PPP2R2B: variants seen among roughly 807,000 people sequenced by gnomAD.
PPP2R2B encodes serine/threonine-protein phosphatase 2A 55 kDa regulatory subunit B beta isoform.
Under a neutral mutation model 46.0 loss-of-function variants are expected in PPP2R2B, and 5 were observed. The observed-to-expected ratio is 0.11, with a 90% confidence interval of 0.06 to 0.23. The LOEUF (loss-of-function observed/expected upper bound fraction) is 0.23. Ranked by LOEUF, PPP2R2B falls within the 10% of genes least tolerant of loss-of-function variation. The probability of loss-of-function intolerance (pLI) is 1.00; values close to 1 mark genes in which losing one functional copy is unlikely to be tolerated. For synonymous variants in PPP2R2B, 215 were observed against 206.7 expected (o/e 1.04, Z -0.34); for missense variants, 367 against 575.0 (o/e 0.64, Z 3.70).
chr5:146,992,907 T>A (rs908951807), intron 1 of PPP2R2B, among the ~76,000 whole-genome samples: 2 of 152,208 alleles, frequency 1.3e-5, no homozygotes. Flanking sequence ...AGTGAACACC[T>A]GAATTCTTTA....
chr5:147,055,559 C>T (rs990153111), intron 1 of PPP2R2B: 8 of 965,288 alleles, frequency 8.3e-6, no homozygotes, highest in Non-Finnish European at 1.3e-5. Flanking sequence ...CCAGGAATGA[C>T]AGTCACCTAG....
chr5:146,674,558 C>G (rs1246188959), intron 5 of PPP2R2B, among the ~76,000 whole-genome samples: 7 of 152,144 alleles, frequency 4.6e-5, no homozygotes, highest in African/African-American at 1.4e-4. Context: ...TCATATATTT[C>G]CCTTCTGGTC....
chr5:146,833,583 C>T (rs1759088229), intron 2 of PPP2R2B, among the ~76,000 whole-genome samples: 1 of 152,182 alleles, frequency 6.6e-6, no homozygotes, highest in African/African-American at 2.4e-5. Context: ...GAAATCTTGA[C>T]ACCTCACCTA....
In PPP2R2B at chr5:146,616,726, C is replaced by G. The variant is rs184121488; in HGVS notation, c.791-16266G>C. Among the ~76,000 whole-genome samples the G allele has an allele frequency of 5.6e-3, 857 of 152,158 alleles. 3 individuals carry two copies. Among genetic ancestry groups the G allele is most frequent in the Non-Finnish European group, 9.1e-3 (617 of 67,976 alleles). On this transcript the variant is annotated intron_variant, in intron 7 of 9. Coordinates refer to ENST00000394411, the MANE Select transcript of PPP2R2B (RefSeq NM_181675.4). ...GGCTTTCATCTAAAAGGCAATAATG[C>G]TGATGAGGATGTGGAGAAAAGGGAA...
chr5:147,071,696 A>C (rs1757605206), intron 2 of PPP2R2B, among the ~76,000 whole-genome samples: 1 of 152,030 alleles, frequency 6.6e-6, no homozygotes, highest in South Asian at 2.1e-4. Flanking sequence ...TGAAGTCTTG[A>C]CCATCCTATT....
intron 1 of PPP2R2B, among the ~76,000 whole-genome samples, chr5:146,982,689 T>C (rs1753231458): frequency 6.6e-6 from 1 of 152,220 alleles, no homozygotes; most frequent in Admixed American, 6.5e-5. Flanking sequence ...TTATATGAGT[T>C]TTGCCTAACA....
chr5:146,804,286 C>A (rs1757042612), intron 2 of PPP2R2B, among the ~76,000 whole-genome samples: 1 of 152,098 alleles, frequency 6.6e-6, no homozygotes, highest in South Asian at 2.1e-4. Context: ...CTCACAATAA[C>A]CCAATGAAGT....
In PPP2R2B at chr5:146,626,719, T is replaced by C. The variant is rs960409786; in HGVS notation, c.790+11532A>G. Among the ~76,000 whole-genome samples the C allele has an allele frequency of 1.1e-4, 16 of 152,286 alleles. No individual in the cohort carries two copies. The East Asian group carries it at 3.1e-3, about 29-fold the overall frequency. The stretch of plus-strand genomic sequence containing the variant: ...GCCATCTATAACCCTATGGCCAATC[T>C]TTCCCATTCTGCATGTCTTGGGGGC... On this transcript the variant is annotated intron_variant, in intron 7 of 9. Transcript: ENST00000394411.
At chr5:146,867,327 C>G (rs1370917182) in intron 2 of PPP2R2B, among the ~76,000 whole-genome samples, 1 of 152,100 alleles carries the variant, frequency 6.6e-6, no homozygotes, top group African/African-American at 2.4e-5. Flanking sequence ...ATATTACAAC[C>G]CCTAATCAGC....
intron 2 of PPP2R2B, among the ~76,000 whole-genome samples, chr5:146,835,824 A>C (rs1194795204): frequency 1.3e-5 from 2 of 152,170 alleles, no homozygotes; most frequent in African/African-American, 4.8e-5. Flanking sequence ...TTAACCAGAA[A>C]CTACTTTATT....
At chr5:146,979,287 T>C (rs751007284) in intron 1 of PPP2R2B, among the ~76,000 whole-genome samples, 3 of 152,204 alleles carry the variant, frequency 2.0e-5, no homozygotes, top group Non-Finnish European at 4.4e-5. Flanking sequence ...ATTGCTTCTC[T>C]GTCTCAATAC....
chr5:147,022,758 T>C (rs962196564), intron 1 of PPP2R2B, among the ~76,000 whole-genome samples: 2 of 152,006 alleles, frequency 1.3e-5, no homozygotes, highest in African/African-American at 4.8e-5. Context: ...AGAATTACCA[T>C]TGACGTCGCA....
At chr5:146,603,288 A>G (rs990658501) in intron 7 of PPP2R2B, among the ~76,000 whole-genome samples, 1 of 152,232 alleles carries the variant, frequency 6.6e-6, no homozygotes, top group African/African-American at 2.4e-5. Flanking sequence ...TTTGAAAGAC[A>G]TAAAGAATGT....
intron 1 of PPP2R2B, among the ~76,000 whole-genome samples, chr5:146,913,683 G>T (rs535951091): frequency 1.3e-5 from 2 of 151,990 alleles, no homozygotes; most frequent in African/African-American, 4.8e-5. Context: ...AACATAAACT[G>T]AATTGAGAGA....
rs891894585 is a variant in PPP2R2B, at chr5:146,588,151, G to A, written c.*1796C>T. ...CCACTTTACTTGAGATGCCTAAGGCGAGGCTTTCCTTGCAGGAAAAATGAG... is the reference window on the plus strand; with the variant it reads ...CCACTTTACTTGAGATGCCTAAGGCAAGGCTTTCCTTGCAGGAAAAATGAG... On this transcript the variant is annotated 3_prime_UTR_variant, in exon 10 of 10. Coordinates refer to ENST00000394411, the MANE Select transcript of PPP2R2B (RefSeq NM_181675.4). The A allele has an allele frequency of 6.6e-6, 1 of 152,208 alleles. No homozygotes were observed. Among genetic ancestry groups the A allele is most frequent in the Non-Finnish European group, 1.5e-5 (1 of 68,038 alleles). The allele number at this position is 152,208 out of a possible 1,614,324, so 9.4% of individuals were successfully genotyped here.
intron 1 of PPP2R2B, among the ~76,000 whole-genome samples, chr5:146,887,195 C>G (rs139882640): frequency 6.6e-6 from 1 of 151,946 alleles, no homozygotes; most frequent in African/African-American, 2.4e-5. Context: ...TATCTAAATT[C>G]TTTTCTTATA....
intron 2 of PPP2R2B, among the ~76,000 whole-genome samples, chr5:146,796,037 A>G (rs1287667160): frequency 6.6e-6 from 1 of 152,162 alleles, no homozygotes; most frequent in African/African-American, 2.4e-5. Context: ...GTTACTGCCT[A>G]ATAAGCATCT....
At position 146,903,528 on chromosome 5, in the gene PPP2R2B, C is replaced by A. The variant is rs151012066; in HGVS notation, c.79+152137G>T. On this transcript the variant is annotated intron_variant, in intron 1 of 8. Transcript: ENST00000336640. Reference sequence around the variant, plus strand: ...CTTTCACCTCAGCCTCCTGAGTAGCCGGGACTATAGGTGCATGCCACCACA... The same window carrying A: ...CTTTCACCTCAGCCTCCTGAGTAGCAGGGACTATAGGTGCATGCCACCACA... Among the ~76,000 whole-genome samples, 80 of 151,376 alleles carry A rather than the reference C, an allele frequency of 5.3e-4. 1 individual carries two copies. The highest frequency in any genetic ancestry group is 1.9e-3 in the African/African-American group (77 of 41,328).
chr5:146,805,894 A>C (rs1003758031), intron 2 of PPP2R2B, among the ~76,000 whole-genome samples: 1 of 152,178 alleles, frequency 6.6e-6, no homozygotes, highest in Non-Finnish European at 1.5e-5. Flanking sequence ...GATGAGTCTG[A>C]CTTCCTAGTT....
Sources: allele counts gnomAD v4.1 joint callset (sites outside exome capture counted in the v4.1 genomes callset), GRCh38; gene constraint gnomAD v4.1.1; transcripts MANE v1.5; gene names NCBI Gene and HGNC (gene_info 2026-07-23, HGNC 2026-07-21).